Variants in SLC9A9 observed in about 807,000 individuals in gnomAD.
SLC9A9 encodes the protein solute carrier family 9 member A9.
Under a neutral mutation model 77.8 loss-of-function variants are expected in SLC9A9, and 62 were observed. That is an observed-to-expected ratio of 0.80 (90% CI 0.65 to 0.98). SLC9A9 has a LOEUF of 0.98. Among genes scored for constraint, SLC9A9 ranks in the 50% least tolerant of loss-of-function variants. SLC9A9 has a pLI of 0.00. For synonymous variants in SLC9A9, 320 were observed against 283.5 expected, an observed-to-expected ratio of 1.13 and a Z score of -1.29; for missense variants, 775 against 774.9, an observed-to-expected ratio of 1.00 and a Z score of 0.00.
At chr3:143,508,471 A>T (rs1442976137) in intron 9 of SLC9A9, among the ~76,000 whole-genome samples, 1 of 152,238 alleles carries the variant, frequency 6.6e-6, no homozygotes, top group African/African-American at 2.4e-5. Context: ...CCAGTGCTGC[A>T]CTTGTCTGAA....
chr3:143,565,759 TTGG>T (rs2037158601), intron 8 of SLC9A9, among the ~76,000 whole-genome samples: 1 of 152,070 alleles, frequency 6.6e-6, no homozygotes, highest in African/African-American at 2.4e-5. Context: ...ACCTCATTTG[TTGG>T]TGAATTGTTG....
At chr3:143,506,565 G>A (rs1388551085) in intron 9 of SLC9A9, among the ~76,000 whole-genome samples, 2 of 152,118 alleles carry the variant, frequency 1.3e-5, no homozygotes, top group African/African-American at 4.8e-5. Context: ...CCACAGTTTA[G>A]GCAGCAACTG....
In SLC9A9 at chr3:143,795,033, G is replaced by A. The variant is rs1379445751; in HGVS notation, c.501C>T (p.Phe167=). The A allele has an allele frequency of 1.2e-6, 2 of 1,613,838 alleles. No individual in the cohort carries two copies. The highest frequency in any genetic ancestry group is 1.7e-6 in the Non-Finnish European group (2 of 1,179,930). The change falls in exon 4 of 16, where the codon TTC becomes TTT. Residue 167 remains phenylalanine, a synonymous_variant. Coordinates refer to ENST00000316549, the MANE Select transcript of SLC9A9 (RefSeq NM_173653.4). The part of the protein sequence containing the change: ...QNLGSILTYA[F]LGTAISCIVI... ...CGATGCAGGAGATGGCAGTTCCCAA[G>A]AAGGCATACGTTAAAATAGATCCTA...
intron 12 of SLC9A9, among the ~76,000 whole-genome samples, chr3:143,417,986 C>A (rs2034228586): frequency 6.6e-6 from 1 of 151,782 alleles, no homozygotes. Context: ...GTTACTCAAT[C>A]CCTCCATGTA....
At chr3:143,466,752 G>C (rs926908759) in intron 12 of SLC9A9, among the ~76,000 whole-genome samples, 4 of 152,184 alleles carry the variant, frequency 2.6e-5, no homozygotes, top group African/African-American at 4.8e-5. Flanking sequence ...ATACCACATT[G>C]TACTGAATAC....
At chr3:143,353,236 C>A (rs1367616455) in intron 14 of SLC9A9, among the ~76,000 whole-genome samples, 1 of 152,210 alleles carries the variant, frequency 6.6e-6, no homozygotes, top group Non-Finnish European at 1.5e-5. Flanking sequence ...TGGCTATACC[C>A]CTCTCTGGCT....
At chr3:143,658,809 A>T (rs1357082529) in intron 5 of SLC9A9, among the ~76,000 whole-genome samples, 1 of 152,218 alleles carries the variant, frequency 6.6e-6, no homozygotes, top group Non-Finnish European at 1.5e-5. Flanking sequence ...TAAGAAAAGT[A>T]GGATATATTA....
chr3:143,657,182 T>G (rs2038904646), intron 5 of SLC9A9, among the ~76,000 whole-genome samples: 1 of 152,198 alleles, frequency 6.6e-6, no homozygotes, highest in Admixed American at 6.5e-5. Flanking sequence ...GTGAAAAGAC[T>G]AACCCTTCTG....
intron 14 of SLC9A9, among the ~76,000 whole-genome samples, chr3:143,313,999 G>C (rs1024943912): frequency 6.6e-6 from 1 of 152,186 alleles, no homozygotes; most frequent in Admixed American, 6.5e-5. Context: ...GGGCATGGGC[G>C]GGGTGGAGAG....
chr3:143,700,014 C>T (rs935426364), intron 4 of SLC9A9, among the ~76,000 whole-genome samples: 3 of 151,834 alleles, frequency 2.0e-5, no homozygotes, highest in Non-Finnish European at 4.4e-5. Flanking sequence ...TAGGATAGGG[C>T]ACCAGTCAGA....
chr3:143,427,083 A>G (rs1342803064), intron 12 of SLC9A9, among the ~76,000 whole-genome samples: 3 of 152,234 alleles, frequency 2.0e-5, no homozygotes, highest in Non-Finnish European at 4.4e-5. Flanking sequence ...AAACAAAGTA[A>G]AAGTTTAAAA....
At chr3:143,405,569 G>C (rs2033960038) in intron 12 of SLC9A9, among the ~76,000 whole-genome samples, 1 of 152,182 alleles carries the variant, frequency 6.6e-6, no homozygotes, top group African/African-American at 2.4e-5. Context: ...AATATTCTCA[G>C]CCTGCTGCAT....
At chr3:143,637,540 A>C (rs2038543605) in intron 6 of SLC9A9, among the ~76,000 whole-genome samples, 1 of 152,174 alleles carries the variant, frequency 6.6e-6, no homozygotes, top group Non-Finnish European at 1.5e-5. Flanking sequence ...TGTTTTGTAG[A>C]TATAATAGCC....
Position 143,839,620 on chromosome 3 carries a change from CA to C in SLC9A9, c.176-7400del, listed in dbSNP as rs533972949. Among the ~76,000 whole-genome samples, 566 of 152,170 alleles carry C rather than the reference CA, an allele frequency of 3.7e-3. 5 individuals carry two copies. The highest frequency in any genetic ancestry group is 0.013 in the African/African-American group (545 of 41,508). ...ACACACATGCAAGCACATACAAACA[CA>C]ACACATACACATATACACAATGTAC... On this transcript the variant is annotated intron_variant, in intron 1 of 15. Transcript: ENST00000316549.
chr3:143,811,463 A>G (rs2008862846), intron 2 of SLC9A9, among the ~76,000 whole-genome samples: 1 of 152,210 alleles, frequency 6.6e-6, no homozygotes, highest in Non-Finnish European at 1.5e-5. Context: ...TATGGGCATG[A>G]AAATGCCTGC....
chr3:143,745,284 T>C (rs762350121), intron 4 of SLC9A9, among the ~76,000 whole-genome samples: 2 of 152,190 alleles, frequency 1.3e-5, no homozygotes, highest in African/African-American at 2.4e-5. Flanking sequence ...GCTTCTCTGA[T>C]TGCAAAGCAC....
intron 15 of SLC9A9, among the ~76,000 whole-genome samples, chr3:143,267,345 C>CTTTTTT (rs749407002): frequency 7.2e-4 from 82 of 113,608 alleles, no homozygotes; most frequent in African/African-American, 2.5e-3. Flanking sequence ...GTTATTGCTA[C>CTTTTTT]TTTTTTTTTT....
chr3:143,477,571 G>A (rs913080298), intron 11 of SLC9A9, among the ~76,000 whole-genome samples: 14 of 152,162 alleles, frequency 9.2e-5, no homozygotes, highest in Admixed American at 2.6e-4. Flanking sequence ...ATCACCGCCT[G>A]TAGGAGGGGC....
intron 14 of SLC9A9, among the ~76,000 whole-genome samples, chr3:143,306,100 A>G (rs2030769101): frequency 6.6e-6 from 1 of 152,178 alleles, no homozygotes; most frequent in Non-Finnish European, 1.5e-5. Context: ...GACAAATATG[A>G]ACATTATTCT....
Sources: gnomAD v4.1 joint callset for allele counts (sites outside exome capture counted in the v4.1 genomes callset) on GRCh38, gnomAD v4.1.1 for gene constraint, MANE v1.5 for transcripts, NCBI Gene and HGNC (gene_info 2026-07-23, HGNC 2026-07-21) for gene names.